SMYD3: variants seen among roughly 807,000 people sequenced by gnomAD.
The protein encoded by SMYD3 is histone-lysine N-methyltransferase SMYD3.
A neutral mutation model predicts 57.7 loss-of-function variants in SMYD3; 36 were observed. The ratio of observed to expected loss-of-function variants is 0.62; its 90% CI spans 0.48 to 0.82. The LOEUF (loss-of-function observed/expected upper bound fraction) is 0.82, where lower values mean the gene tolerates loss of function less well. Among genes scored for constraint, SMYD3 ranks in the 40% least tolerant of loss-of-function variants. The pLI is 0.00. For missense variants in SMYD3, 515 were observed against 538.8 expected, an observed-to-expected ratio of 0.96 and a Z score of 0.44; for synonymous variants, 211 against 195.0, an observed-to-expected ratio of 1.08 and a Z score of -0.68.
intron 5 of SMYD3, among the ~76,000 whole-genome samples, chr1:246,090,095 T>C (rs964934354): frequency 2.0e-5 from 3 of 152,196 alleles, no homozygotes; most frequent in Admixed American, 6.5e-5. Flanking sequence ...TATGGAATTA[T>C]CTAGCATTAT....
Position 245,839,883 on chromosome 1 carries a change from A to T in SMYD3, c.1076+18613T>A, listed in dbSNP as rs143156522. Among the ~76,000 whole-genome samples the T allele has an allele frequency of 7.9e-3, 1,203 of 152,300 alleles. 16 individuals carry two copies. Among genetic ancestry groups the T allele is most frequent in the African/African-American group, 0.028 (1,159 of 41,568 alleles). On this transcript the variant is annotated intron_variant, in intron 10 of 11. Transcript: ENST00000490107. ...CAATTATCCTTTGAGAGACTCAAGAAGATGCTGCATCCACAAAATAAGAAT... is the reference window on the plus strand; with the variant it reads ...CAATTATCCTTTGAGAGACTCAAGATGATGCTGCATCCACAAAATAAGAAT...
At position 246,201,785 on chromosome 1, in the gene SMYD3, A is replaced by C. The variant is rs576064849; in HGVS notation, c.531+125416T>G. 5.3e-5 allele frequency among the ~76,000 whole-genome samples: 8 copies of C among 152,272 alleles called. 1 individual carries two copies. Among genetic ancestry groups the C allele is most frequent in the African/African-American group, 1.9e-4 (8 of 41,560 alleles). On this transcript the variant is annotated intron_variant, in intron 5 of 11. Coordinates refer to ENST00000490107, the MANE Select transcript of SMYD3 (RefSeq NM_001167740.2). ...CCCAACACTTTGGGAGGCCGAGGCA[A>C]GTGGATCACTTGAAGTCAGGAGTTT...
At position 245,839,467 on chromosome 1, in the gene SMYD3, CCCAGG is replaced by C. The variant is rs2050287424; in HGVS notation, c.1076+19024_1076+19028del. 2.6e-5 allele frequency among the ~76,000 whole-genome samples: 4 copies of C among 151,822 alleles called. No individual in the cohort carries two copies. The South Asian group carries it at 6.3e-4, about 24-fold the overall frequency. On this transcript the variant is annotated intron_variant, in intron 10 of 11. Coordinates refer to ENST00000490107, the MANE Select transcript of SMYD3 (RefSeq NM_001167740.2). ...TACAGGCATGAGCCACTGTGCCCAG[CCCAGG>C]CCAGCCTTTCTAACCTTTATTTTCA...
chr1:245,803,447 G>A (rs1010997076), intron 10 of SMYD3, among the ~76,000 whole-genome samples: 1 of 151,328 alleles, frequency 6.6e-6, no homozygotes, highest in Non-Finnish European at 1.5e-5. Flanking sequence ...AATTTCACAG[G>A]TCAACAATGG....
chr1:245,813,782 G>C (rs752166549), intron 10 of SMYD3, among the ~76,000 whole-genome samples: 3 of 148,464 alleles, frequency 2.0e-5, no homozygotes, highest in Non-Finnish European at 4.5e-5. Flanking sequence ...TCAAGAGAAA[G>C]GCAAGATGTT....
chr1:246,463,695 G>A (rs1168384047), intron 1 of SMYD3, among the ~76,000 whole-genome samples: 11 of 149,330 alleles, frequency 7.4e-5, no homozygotes, highest in Admixed American at 6.0e-4. Flanking sequence ...CATTAGCTGG[G>A]TGTTGTGGCG....
chr1:246,121,123 T>C (rs1397232079), intron 5 of SMYD3, among the ~76,000 whole-genome samples: 1 of 152,218 alleles, frequency 6.6e-6, no homozygotes, highest in African/African-American at 2.4e-5. Flanking sequence ...CTGCAATCTC[T>C]AGCCCCTAAT....
chr1:245,948,676 G>A (rs1264221020), intron 5 of SMYD3, among the ~76,000 whole-genome samples: 2 of 152,086 alleles, frequency 1.3e-5, no homozygotes, highest in Admixed American at 6.5e-5. Context: ...CACATTCCTG[G>A]AGCCCCATTG....
At chr1:246,184,402 G>T (rs1353006186) in intron 5 of SMYD3, among the ~76,000 whole-genome samples, 1 of 152,124 alleles carries the variant, frequency 6.6e-6, no homozygotes, top group Non-Finnish European at 1.5e-5. Flanking sequence ...CACCCAGATT[G>T]GCATCAAACT....
intron 5 of SMYD3, among the ~76,000 whole-genome samples, chr1:246,057,639 G>A (rs571030556): frequency 2.0e-5 from 3 of 152,308 alleles, no homozygotes; most frequent in South Asian, 2.1e-4. Flanking sequence ...AGGAACTCTC[G>A]TTCACTGCTG....
At chr1:246,493,173 A>T (rs2068296945) in intron 1 of SMYD3, among the ~76,000 whole-genome samples, 1 of 139,456 alleles carries the variant, frequency 7.2e-6, no homozygotes, top group Non-Finnish European at 1.6e-5. Flanking sequence ...AAAAAGGAGG[A>T]GGTGGCCAGG....
At chr1:246,474,525 A>G (rs1466203358) in intron 1 of SMYD3, among the ~76,000 whole-genome samples, 1 of 150,670 alleles carries the variant, frequency 6.6e-6, no homozygotes, top group East Asian at 1.9e-4. Context: ...CTCTCAAAAA[A>G]AAAAAAAAAA....
intron 5 of SMYD3, among the ~76,000 whole-genome samples, chr1:246,231,330 T>G (rs1024192421): frequency 1.3e-5 from 2 of 152,224 alleles, no homozygotes; most frequent in Non-Finnish European, 2.9e-5. Context: ...GCTTCTGTAG[T>G]CACTGGGCAG....
chr1:246,215,926 T>C (rs1290584039), intron 5 of SMYD3, among the ~76,000 whole-genome samples: 1 of 152,056 alleles, frequency 6.6e-6, no homozygotes, highest in Non-Finnish European at 1.5e-5. Context: ...TATTGTATAC[T>C]CTAACAGTCA....
chr1:246,142,092 C>T (rs1406829358), intron 5 of SMYD3, among the ~76,000 whole-genome samples: 1 of 152,196 alleles, frequency 6.6e-6, no homozygotes, highest in Non-Finnish European at 1.5e-5. Flanking sequence ...GGATACCTCT[C>T]TTCTCGATTC....
Position 245,985,051 on chromosome 1 carries a change from C to A in SMYD3, c.532-55114G>T, listed in dbSNP as rs149488979. On this transcript the variant is annotated intron_variant, in intron 5 of 11. Coordinates refer to ENST00000490107, the MANE Select transcript of SMYD3 (RefSeq NM_001167740.2). ...TCTCTGCCTTACCTACCATCGCTCA[C>A]CTGACCACACAGCATTCCCTCCTCC... is the stretch of plus-strand genomic sequence containing the variant. Among the ~76,000 whole-genome samples the A allele has an allele frequency of 2.1e-3, 319 of 152,264 alleles. 1 individual carries two copies. The highest frequency in any genetic ancestry group is 0.01 in the Middle Eastern group (3 of 294).
intron 5 of SMYD3, among the ~76,000 whole-genome samples, chr1:246,150,894 A>G (rs2061930768): frequency 6.6e-6 from 1 of 152,210 alleles, no homozygotes; most frequent in East Asian, 1.9e-4. Context: ...AGATGGAGGA[A>G]GGCTTGTTCA....
intron 5 of SMYD3, among the ~76,000 whole-genome samples, chr1:246,287,903 G>T (rs2064603857): frequency 6.6e-6 from 1 of 152,096 alleles, no homozygotes; most frequent in Non-Finnish European, 1.5e-5. Context: ...AACGGAATGA[G>T]AAGCTCACCT....
chr1:246,079,324 T>C (rs973732210), intron 5 of SMYD3, among the ~76,000 whole-genome samples: 4 of 152,218 alleles, frequency 2.6e-5, no homozygotes, highest in Non-Finnish European at 5.9e-5. Context: ...AGTAAAATAT[T>C]GTTTGTACTT....
Sources: allele counts gnomAD v4.1 joint callset (sites outside exome capture counted in the v4.1 genomes callset), GRCh38; gene constraint gnomAD v4.1.1; transcripts MANE v1.5; gene names NCBI Gene and HGNC (gene_info 2026-07-23, HGNC 2026-07-21).